The following MSI2 variants were observed in gnomAD, a reference collection of about 807,000 sequenced individuals.
The protein encoded by MSI2 is musashi RNA binding protein 2.
A neutral mutation model predicts 45.6 loss-of-function variants in MSI2; 17 were observed. The observed-to-expected ratio is 0.37, with a 90% confidence interval of 0.26 to 0.56. The LOEUF is 0.56. MSI2 is among the 20% of genes least tolerant of loss of function. The probability of loss-of-function intolerance (pLI) is 0.77; values close to 1 mark genes in which losing one functional copy is unlikely to be tolerated. For synonymous variants in MSI2, 156 were observed against 158.2 expected (o/e 0.99, Z 0.11); for missense variants, 293 against 444.2 (o/e 0.66, Z 3.06).
intron 5 of MSI2, among the ~76,000 whole-genome samples, chr17:57,308,706 G>C (rs892651177): frequency 6.6e-6 from 1 of 152,132 alleles, no homozygotes; most frequent in Non-Finnish European, 1.5e-5. Context: ...CAGGGACCCA[G>C]CCTGCTCTCT....
Position 57,676,962 on chromosome 17 carries a change from G to T in MSI2, c.946-25G>T, listed in dbSNP as rs749520455. Reference sequence around the variant, plus strand: ...CTGTTCCCATGTATAGCACACTGATGACCTTAACAATTGTGCAATTTTAGG... The same window carrying T: ...CTGTTCCCATGTATAGCACACTGATTACCTTAACAATTGTGCAATTTTAGG... On this transcript the variant is annotated intron_variant, in intron 12 of 13. Transcript: ENST00000284073. 9 of 1,470,270 alleles carry T rather than the reference G, an allele frequency of 6.1e-6. No homozygotes were observed. In the East Asian group the frequency reaches 1.6e-4, roughly 26 times the overall value. The allele number at this position is 1,470,270 out of a possible 1,614,324, so 91.1% of individuals were successfully genotyped here.
At chr17:57,490,836 C>A (rs891180172) in intron 6 of MSI2, among the ~76,000 whole-genome samples, 3 of 152,192 alleles carry the variant, frequency 2.0e-5, no homozygotes, top group African/African-American at 7.2e-5. Flanking sequence ...AGCTGACATG[C>A]CTTCTAGGGG....
At position 57,627,259 on chromosome 17, in the gene MSI2, G is replaced by A. The variant is rs758155590; in HGVS notation, c.683G>A (p.Arg228His). ...GYPNFVATYG[R>H]GYPGFAPSYG... ...CCCAACTTCGTGGCGACCTATGGCC[G>A]TGGCTACCCCGGATTTGCTCCAAGC... Residue 228 changes from arginine (R) to histidine (H), a missense_variant, in exon 10 of 14, where the codon CGT (arginine) becomes CAT (histidine). Arg to His is a conservative substitution (Grantham distance 29). Coordinates refer to ENST00000284073, the MANE Select transcript of MSI2 (RefSeq NM_138962.4). This position sits in a 1 kb window ranked among gnomAD's most constrained non-coding sequence, Gnocchi z 4.6. The A allele has an allele frequency of 1.3e-5, 21 of 1,614,028 alleles. No individual in the cohort carries two copies. Among genetic ancestry groups the A allele is most frequent in the Non-Finnish European group, 1.8e-5 (21 of 1,180,036 alleles).
chr17:57,374,758 G>A (rs79722134), intron 5 of MSI2, among the ~76,000 whole-genome samples: 3 of 152,088 alleles, frequency 2.0e-5, no homozygotes, highest in Non-Finnish European at 2.9e-5. Flanking sequence ...CAACCTGGGC[G>A]GTAGAGTGAG....
At chr17:57,343,577 T>G (rs1435214934) in intron 5 of MSI2, among the ~76,000 whole-genome samples, 1 of 152,184 alleles carries the variant, frequency 6.6e-6, no homozygotes, top group Non-Finnish European at 1.5e-5. Context: ...CCAACTTCAG[T>G]CCAGTTATGA....
chr17:57,377,062 A>G (rs953163504), intron 5 of MSI2, among the ~76,000 whole-genome samples: 3 of 151,958 alleles, frequency 2.0e-5, no homozygotes, highest in African/African-American at 7.3e-5. Flanking sequence ...CTGGGACTAC[A>G]GGCGCCCGCC....
intron 6 of MSI2, among the ~76,000 whole-genome samples, chr17:57,518,337 C>A (rs1023180984): frequency 6.6e-6 from 1 of 152,212 alleles, no homozygotes; most frequent in African/African-American, 2.4e-5. Context: ...CTCCCCTCCC[C>A]AGGCGTATGG....
rs1220747033 is a variant in MSI2, at chr17:57,507,223, CTCTGTGTGTGTGTGTGTGTG to C, written c.406-22451_406-22432del. Among the ~76,000 whole-genome samples the C allele has an allele frequency of 2.5e-3, 280 of 109,890 alleles. 8 individuals are homozygous for C. The highest frequency in any genetic ancestry group is 4.5e-3 in the Middle Eastern group (1 of 224). The allele number at this position is 109,890 out of a possible 152,430, so 72.1% of individuals were successfully genotyped here. A position where few individuals can be genotyped will look rare whatever the true frequency, so the allele number is the denominator to read the frequency against. On this transcript the variant is annotated intron_variant, in intron 6 of 13. Coordinates refer to ENST00000284073, the MANE Select transcript of MSI2 (RefSeq NM_138962.4). The stretch of plus-strand genomic sequence containing the variant: ...TTCCCATTGGTTTTTGTCTTTGTCT[CTCTGTGTGTGTGTGTGTGTG>C]TGTGTGTGTGTGTGTGTGTGTGTGT...
At position 57,627,837 on chromosome 17, in the gene MSI2, G is replaced by A. The variant is rs1212174022; in HGVS notation, c.727+534G>A. On this transcript the variant is annotated intron_variant, in intron 10 of 13. Coordinates refer to ENST00000284073, the MANE Select transcript of MSI2 (RefSeq NM_138962.4). This position sits in a 1 kb window ranked among gnomAD's most constrained non-coding sequence, Gnocchi z 4.6. ...GGGGTTGGGACTGCTGTCCATCCTG[G>A]GTGAGCTGTTTAGATTATCCTTTCC... is the stretch of plus-strand genomic sequence containing the variant. 1 of 158,092 alleles carries A rather than the reference G, an allele frequency of 6.3e-6. No homozygotes were observed. The highest frequency in any genetic ancestry group is 1.4e-5 in the Non-Finnish European group (1 of 71,842). 9.8% of individuals were successfully genotyped at this position (158,092 alleles called of 1,614,324 possible). A position where few individuals can be genotyped will look rare whatever the true frequency, so the allele number is the denominator to read the frequency against.
chr17:57,476,563 C>T (rs560553499), intron 6 of MSI2, among the ~76,000 whole-genome samples: 3 of 152,200 alleles, frequency 2.0e-5, no homozygotes, highest in Non-Finnish European at 2.9e-5. Context: ...CTTAACAGTT[C>T]AGTACAGAGG....
At chr17:57,380,301 C>T (rs952866063) in intron 5 of MSI2, among the ~76,000 whole-genome samples, 7 of 152,144 alleles carry the variant, frequency 4.6e-5, no homozygotes, top group African/African-American at 7.2e-5. Flanking sequence ...GCCCCCAGAG[C>T]GTGCGTAAAT....
chr17:57,427,189 G>T (rs1478230019), intron 6 of MSI2, among the ~76,000 whole-genome samples: 2 of 151,650 alleles, frequency 1.3e-5, no homozygotes, highest in Non-Finnish European at 3.0e-5. Flanking sequence ...CTGAGGTCTG[G>T]TGTTCAAGAC....
At chr17:57,600,836 C>T (rs1464575500) in intron 8 of MSI2, 6 of 152,204 alleles carry the variant, frequency 3.9e-5, no homozygotes, top group Non-Finnish European at 8.8e-5. Flanking sequence ...CTCTACTAAA[C>T]ACTTTATGCA....
intron 5 of MSI2, among the ~76,000 whole-genome samples, chr17:57,371,782 A>G (rs2083425124): frequency 6.6e-6 from 1 of 151,930 alleles, no homozygotes; most frequent in African/African-American, 2.4e-5. Flanking sequence ...CCTTAGCAAC[A>G]TCTCTGATCA....
At chr17:57,286,156 A>G (rs962786222) in intron 5 of MSI2, 7 of 534,300 alleles carry the variant, frequency 1.3e-5, no homozygotes, top group Non-Finnish European at 6.1e-6. Context: ...TTGAGAGAAT[A>G]ATTTTCATGT....
intron 7 of MSI2, among the ~76,000 whole-genome samples, chr17:57,587,630 G>C (rs1294379302): frequency 2.0e-5 from 3 of 151,460 alleles, no homozygotes; most frequent in Admixed American, 1.3e-4. Context: ...TCCCCCTCCT[G>C]ATTAAGCGTG....
chr17:57,452,797 A>G (rs144958271), intron 6 of MSI2, among the ~76,000 whole-genome samples: 7 of 152,264 alleles, frequency 4.6e-5, no homozygotes, highest in African/African-American at 1.7e-4. Flanking sequence ...TTACCAGCCC[A>G]TGAGGGTGGT....
intron 7 of MSI2, among the ~76,000 whole-genome samples, chr17:57,588,437 A>AT (rs2144406213): frequency 6.6e-6 from 1 of 152,336 alleles, no homozygotes; most frequent in Non-Finnish European, 1.5e-5. Context: ...CAAGTCTGGC[A>AT]TCCCAGTCCT....
At chr17:57,303,995 G>C (rs768036228) in intron 5 of MSI2, among the ~76,000 whole-genome samples, 1 of 152,164 alleles carries the variant, frequency 6.6e-6, no homozygotes, top group Non-Finnish European at 1.5e-5. Context: ...GAGTCTTGGA[G>C]GGAAGGAGCA....
Sources: gnomAD v4.1 joint callset for allele counts (sites outside exome capture counted in the v4.1 genomes callset) on GRCh38, gnomAD v4.1.1 for gene constraint, Gnocchi (gnomAD v3.1) non-coding constraint, MANE v1.5 for transcripts, NCBI Gene and HGNC (gene_info 2026-07-23, HGNC 2026-07-21) for gene names.